The following MVB12B variants were observed in gnomAD, a reference collection of about 807,000 sequenced individuals.
The protein encoded by MVB12B is multivesicular body subunit 12B.
Under a neutral mutation model 41.6 loss-of-function variants are expected in MVB12B, and 16 were observed. That is an observed-to-expected ratio of 0.38 (90% CI 0.26 to 0.58). The LOEUF is 0.58. Ranked by LOEUF, MVB12B falls within the 20% of genes least tolerant of loss-of-function variation. The probability of loss-of-function intolerance (pLI) is 0.62; values close to 1 mark genes in which losing one functional copy is unlikely to be tolerated. For synonymous variants in MVB12B, 133 were observed against 139.7 expected (o/e 0.95, Z 0.34); for missense variants, 274 against 380.2 (o/e 0.72, Z 2.32).
intron 7 of MVB12B, among the ~76,000 whole-genome samples, chr9:126,466,340 G>A (rs1247628217): frequency 6.6e-6 from 1 of 152,282 alleles, no homozygotes; most frequent in East Asian, 1.9e-4. Flanking sequence ...CAAAGCCAGG[G>A]AAGTCTAACC....
At chr9:126,401,318 A>G (rs1281111122) in intron 6 of MVB12B, among the ~76,000 whole-genome samples, 1 of 152,214 alleles carries the variant, frequency 6.6e-6, no homozygotes, top group African/African-American at 2.4e-5. Flanking sequence ...TCGCTATTGC[A>G]GTCATCTTCC....
chr9:126,328,272 A>C (rs1829037540), intron 1 of MVB12B, among the ~76,000 whole-genome samples: 2 of 152,160 alleles, frequency 1.3e-5, no homozygotes, highest in African/African-American at 4.8e-5. Context: ...CCCGGGCTCC[A>C]AGCCCCATGG....
chr9:126,448,552 A>G (rs1832833996), intron 7 of MVB12B: 1 of 152,218 alleles, frequency 6.6e-6, no homozygotes, highest in Non-Finnish European at 1.5e-5. Flanking sequence ...AAGAGGTTTA[A>G]TTGACTCACG....
intron 7 of MVB12B, among the ~76,000 whole-genome samples, chr9:126,455,454 G>A (rs1832962873): frequency 6.6e-6 from 1 of 151,798 alleles, no homozygotes; most frequent in African/African-American, 2.4e-5. Flanking sequence ...CCAAAGTGCT[G>A]GGATTACAGG....
rs141070466 is a variant in MVB12B, at chr9:126,499,191, T to G, written c.874-3986T>G. Among the ~76,000 whole-genome samples the G allele has an allele frequency of 3.5e-3, 540 of 152,270 alleles. 7 individuals are homozygous for G. In the East Asian group the frequency reaches 0.04, roughly 11 times the overall value. On this transcript the variant is annotated intron_variant, in intron 9 of 9. Coordinates refer to ENST00000361171, the MANE Select transcript of MVB12B (RefSeq NM_033446.3). ...ACTATGAGAAAAGGCTTTTAGAAGCTGAGACTCTCGCACCGTGGCCTGAGA... is the reference window on the plus strand; with the variant it reads ...ACTATGAGAAAAGGCTTTTAGAAGCGGAGACTCTCGCACCGTGGCCTGAGA...
At chr9:126,412,136 AT>A in intron 6 of MVB12B, among the ~76,000 whole-genome samples, 1 of 152,318 alleles carries the variant, frequency 6.6e-6, no homozygotes, top group East Asian at 1.9e-4. Context: ...GAAGGTGCTT[AT>A]TAAAATGCCA....
rs534915335 is a variant in MVB12B at position 126,482,001 on chromosome 9, C to T, written c.813+577C>T. Among the ~76,000 whole-genome samples the T allele has an allele frequency of 2.6e-5, 4 of 152,386 alleles. No individual in the cohort carries two copies. The South Asian group carries it at 6.2e-4, about 24-fold the overall frequency. On this transcript the variant is annotated intron_variant, in intron 8 of 9. Transcript: ENST00000361171. The stretch of plus-strand genomic sequence containing the variant: ...CCATGCCAGTCCAGCATGGACCCAA[C>T]CATCCACATCAGCACTCTCACGCAG...
At chr9:126,470,102 G>C (rs141328738) in intron 7 of MVB12B, among the ~76,000 whole-genome samples, 1 of 152,266 alleles carries the variant, frequency 6.6e-6, no homozygotes, top group South Asian at 2.1e-4. Flanking sequence ...TATTACTGCC[G>C]TACAGAGGAA....
chr9:126,490,071 T>C (rs1833700708), intron 9 of MVB12B, among the ~76,000 whole-genome samples: 2 of 152,202 alleles, frequency 1.3e-5, no homozygotes, highest in Admixed American at 6.5e-5. Context: ...CCAGCGCCCA[T>C]GATGAAGCAT....
intron 7 of MVB12B, among the ~76,000 whole-genome samples, chr9:126,467,991 TATAC>T (rs1490665266): frequency 6.6e-6 from 1 of 152,206 alleles, no homozygotes; most frequent in African/African-American, 2.4e-5. Flanking sequence ...TATGTACACA[TATAC>T]ATATAAGTGT....
At chr9:126,339,685 A>C (rs1038680416) in intron 1 of MVB12B, among the ~76,000 whole-genome samples, 8 of 152,190 alleles carry the variant, frequency 5.3e-5, no homozygotes, top group Non-Finnish European at 7.3e-5. Context: ...AACACAACAA[A>C]GGGATCTGCC....
intron 7 of MVB12B, among the ~76,000 whole-genome samples, chr9:126,477,199 G>A (rs539735150): frequency 3.9e-5 from 6 of 152,208 alleles, no homozygotes; most frequent in South Asian, 4.1e-4. Flanking sequence ...GAGGTGCCAT[G>A]CACTTAACCA....
chr9:126,345,409 T>C (rs1472863431), intron 2 of MVB12B, among the ~76,000 whole-genome samples: 1 of 152,268 alleles, frequency 6.6e-6, no homozygotes, highest in Non-Finnish European at 1.5e-5. Context: ...CAGATCAGCC[T>C]CAGGCTCCGT....
At chr9:126,455,841 G>T (rs1832971236) in intron 7 of MVB12B, among the ~76,000 whole-genome samples, 1 of 151,260 alleles carries the variant, frequency 6.6e-6, no homozygotes, top group Non-Finnish European at 1.5e-5. Context: ...CTGTCGTGGT[G>T]GTTCTAAGAC....
intron 6 of MVB12B, among the ~76,000 whole-genome samples, chr9:126,415,299 C>A (rs1019362002): frequency 2.0e-5 from 3 of 152,164 alleles, no homozygotes; most frequent in African/African-American, 7.2e-5. Flanking sequence ...CGATTCCAAG[C>A]ATGAAAATAA....
intron 7 of MVB12B, among the ~76,000 whole-genome samples, chr9:126,458,202 G>A (rs1304487033): frequency 6.6e-6 from 1 of 152,080 alleles, no homozygotes; most frequent in East Asian, 1.9e-4. Context: ...TCTGTTACTC[G>A]CCCACCAGGT....
Position 126,421,961 on chromosome 9 carries a change from A to G in MVB12B, c.757+13A>G, listed in dbSNP as rs1318963394. 22 of 1,594,060 alleles carry G rather than the reference A, an allele frequency of 1.4e-5. No homozygotes were observed. The highest frequency in any genetic ancestry group is 1.7e-5 in the Non-Finnish European group (20 of 1,162,588). On this transcript the variant is annotated intron_variant, in intron 7 of 9. Transcript: ENST00000361171. ...TATGCCATATCAGGTATGTGGAGCCACCGCTGCAGGCCAGCTACAGAGTCT... is the reference window on the plus strand; with the variant it reads ...TATGCCATATCAGGTATGTGGAGCCGCCGCTGCAGGCCAGCTACAGAGTCT...
At chr9:126,477,949 T>G (rs1415458691) in intron 7 of MVB12B, among the ~76,000 whole-genome samples, 1 of 152,198 alleles carries the variant, frequency 6.6e-6, no homozygotes, top group Non-Finnish European at 1.5e-5. Context: ...CCTATGTTTC[T>G]AGATCCTTCT....
rs375919537 is a variant in MVB12B, at chr9:126,438,556, G to A, written c.757+16608G>A. On this transcript the variant is annotated intron_variant, in intron 7 of 9. Transcript: ENST00000361171. ...TTCATGTAGGCTGATCCTCGTCCAG[G>A]TTCTCAGATAACACTCTCTCTATGG... 4.6e-5 allele frequency among the ~76,000 whole-genome samples: 7 copies of A among 152,306 alleles called. No individual in the cohort carries two copies. In the South Asian group the frequency reaches 1.5e-3, roughly 32 times the overall value.
Sources: gnomAD v4.1 joint callset for allele counts (sites outside exome capture counted in the v4.1 genomes callset) on GRCh38, gnomAD v4.1.1 for gene constraint, MANE v1.5 for transcripts, NCBI Gene and HGNC (gene_info 2026-07-23, HGNC 2026-07-21) for gene names.